Variants in SCHIP1 observed in about 807,000 individuals in gnomAD.
SCHIP1 encodes schwannomin interacting protein 1.
Under a neutral mutation model 29.7 loss-of-function variants are expected in SCHIP1, and 8 were observed. The ratio of observed to expected loss-of-function variants is 0.27; its 90% CI spans 0.16 to 0.49. The LOEUF is 0.49. Among genes scored for constraint, SCHIP1 ranks in the 20% least tolerant of loss-of-function variants. The pLI is 0.99. For missense variants in SCHIP1, 193 were observed against 294.6 expected (o/e 0.66, Z 2.52); for synonymous variants, 76 against 94.9 (o/e 0.80, Z 1.16).
the SCHIP1 span, among the ~76,000 whole-genome samples, chr3:159,818,282 G>C: frequency 2.6e-5 from 4 of 152,214 alleles, no homozygotes; most frequent in Non-Finnish European, 5.9e-5. Flanking sequence ...AGAGAAAGTG[G>C]TTGAAAAGCT....
At chr3:159,588,789 A>G in the SCHIP1 span, among the ~76,000 whole-genome samples, 1 of 152,040 alleles carries the variant, frequency 6.6e-6, no homozygotes, top group African/African-American at 2.4e-5. Flanking sequence ...GTGTGGCATT[A>G]TTTCTGAGGG....
chr3:159,382,861 T>C, the SCHIP1 span, among the ~76,000 whole-genome samples: 2 of 152,212 alleles, frequency 1.3e-5, no homozygotes, highest in African/African-American at 2.4e-5. Flanking sequence ...TGGCCAGTGA[T>C]GGTGAGCATT....
chr3:159,680,604 T>TCTATATATAATATATGTATAATATAC, the SCHIP1 span, among the ~76,000 whole-genome samples: 2 of 95,572 alleles, frequency 2.1e-5, no homozygotes, highest in Non-Finnish European at 3.7e-5. Flanking sequence ...GTATAATATA[T>TCTATATATAATATATGTATAATATAC]ATTATATATG....
chr3:159,543,689 T>C, the SCHIP1 span, among the ~76,000 whole-genome samples: 1 of 152,048 alleles, frequency 6.6e-6, no homozygotes, highest in Admixed American at 6.6e-5. Flanking sequence ...CGTGTGCATG[T>C]GTCTTTATAG....
the SCHIP1 span, among the ~76,000 whole-genome samples, chr3:159,830,580 G>C: frequency 1.3e-5 from 2 of 152,064 alleles, no homozygotes; most frequent in African/African-American, 4.8e-5. Flanking sequence ...ATAATTATAA[G>C]GCTAAAAAAT....
At chr3:159,563,182 G>T in the SCHIP1 span, among the ~76,000 whole-genome samples, 2 of 152,120 alleles carry the variant, frequency 1.3e-5, no homozygotes, top group East Asian at 3.9e-4. Context: ...AGCATACAAA[G>T]CTTGAAGATC....
the SCHIP1 span, among the ~76,000 whole-genome samples, chr3:159,613,892 G>A: frequency 2.0e-5 from 3 of 152,198 alleles, no homozygotes; most frequent in Non-Finnish European, 4.4e-5. Flanking sequence ...ATTTGTCTCA[G>A]AGATCATCGA....
At chr3:159,714,228 C>A in the SCHIP1 span, among the ~76,000 whole-genome samples, 5 of 151,994 alleles carry the variant, frequency 3.3e-5, no homozygotes, top group Non-Finnish European at 5.9e-5. Flanking sequence ...AGAGCGAGAT[C>A]CTGTCTCAAA....
At chr3:159,713,723 C>T in the SCHIP1 span, among the ~76,000 whole-genome samples, 1 of 152,102 alleles carries the variant, frequency 6.6e-6, no homozygotes, top group African/African-American at 2.4e-5. Context: ...AGAACCTAGC[C>T]AATACATATG....
At chr3:159,345,778 G>A in the SCHIP1 span, among the ~76,000 whole-genome samples, 3 of 152,182 alleles carry the variant, frequency 2.0e-5, no homozygotes, top group Non-Finnish European at 4.4e-5. Flanking sequence ...ACAGGAAAGG[G>A]CTAAGAGGAG....
chr3:159,835,005 C>T (rs1743533081), upstream of SCHIP1, among the ~76,000 whole-genome samples: 1 of 152,126 alleles, frequency 6.6e-6, no homozygotes, highest in African/African-American at 2.4e-5. Flanking sequence ...CCTAGTTTCC[C>T]TGATATCCAC....
the SCHIP1 span, among the ~76,000 whole-genome samples, chr3:159,459,030 C>G: frequency 2.6e-5 from 4 of 152,084 alleles, no homozygotes. Context: ...TTGTTCTAAA[C>G]TTTGGCATCA....
At chr3:159,694,144 C>G in the SCHIP1 span, among the ~76,000 whole-genome samples, 1 of 152,000 alleles carries the variant, frequency 6.6e-6, no homozygotes. Context: ...TAAACAAAGC[C>G]CTATCTGGGC....
chr3:159,339,325 G>A, the SCHIP1 span, among the ~76,000 whole-genome samples: 1 of 151,312 alleles, frequency 6.6e-6, no homozygotes, highest in East Asian at 1.9e-4. Context: ...TCACACATCT[G>A]ATTTTTGCTA....
the SCHIP1 span, among the ~76,000 whole-genome samples, chr3:159,723,116 T>C: frequency 6.6e-6 from 1 of 152,180 alleles, no homozygotes; most frequent in South Asian, 2.1e-4. Context: ...TAATAGCTCA[T>C]CCAAAATTTG....
chr3:159,630,688 T>C, the SCHIP1 span, among the ~76,000 whole-genome samples: 1 of 151,326 alleles, frequency 6.6e-6, no homozygotes, highest in Admixed American at 6.6e-5. Context: ...CACAAAGGTA[T>C]AAGAATGATA....
At chr3:159,803,154 A>G in the SCHIP1 span, among the ~76,000 whole-genome samples, 1 of 151,494 alleles carries the variant, frequency 6.6e-6, no homozygotes, top group Non-Finnish European at 1.5e-5. Context: ...CTAAGCATCC[A>G]TATGCCCAGC....
At chr3:159,692,867 G>A in the SCHIP1 span, among the ~76,000 whole-genome samples, 1 of 152,064 alleles carries the variant, frequency 6.6e-6, no homozygotes, top group Non-Finnish European at 1.5e-5. Flanking sequence ...TTGTTGGAAC[G>A]AAATCATCCT....
At chr3:159,783,324 T>C in the SCHIP1 span, among the ~76,000 whole-genome samples, 3 of 152,206 alleles carry the variant, frequency 2.0e-5, no homozygotes, top group African/African-American at 7.2e-5. Context: ...AATGGAGACC[T>C]GAAGAGCTTC....
Sources: allele counts gnomAD v4.1 joint callset (sites outside exome capture counted in the v4.1 genomes callset), GRCh38; gene constraint gnomAD v4.1.1; transcripts MANE v1.5; gene names NCBI Gene and HGNC (gene_info 2026-07-23, HGNC 2026-07-21).